TSNAX: variants seen among roughly 807,000 people sequenced by gnomAD.
TSNAX encodes the protein translin-associated protein X.
In TSNAX, 12 loss-of-function variants were observed where a neutral mutation model predicts 33.0. The observed-to-expected ratio is 0.36, with a 90% CI of 0.23 to 0.59. The LOEUF (loss-of-function observed/expected upper bound fraction) is 0.59, where lower values mean the gene tolerates loss of function less well. Ranked by LOEUF, TSNAX falls within the 20% of genes least tolerant of loss-of-function variation. The pLI is 0.74. For synonymous variants in TSNAX, 110 were observed against 117.2 expected, an observed-to-expected ratio of 0.94 and a Z score of 0.40; for missense variants, 267 against 341.3, an observed-to-expected ratio of 0.78 and a Z score of 1.72.
At chr1:231,532,066 T>G (rs1658757804) in intron 2 of TSNAX, among the ~76,000 whole-genome samples, 1 of 126,532 alleles carries the variant, frequency 7.9e-6, no homozygotes. Flanking sequence ...AGACCCTGAC[T>G]CAAAAAGGAA....
chr1:231,542,196 C>T (rs1659616738), intron 3 of TSNAX, among the ~76,000 whole-genome samples: 1 of 152,176 alleles, frequency 6.6e-6, no homozygotes, highest in Non-Finnish European at 1.5e-5. Flanking sequence ...TAAATCCAGT[C>T]CACGTTACTC....
chr1:231,537,700 C>T (rs1352215621), intron 3 of TSNAX, among the ~76,000 whole-genome samples: 1 of 148,522 alleles, frequency 6.7e-6, no homozygotes, highest in African/African-American at 2.5e-5. Context: ...AAGATCCCAC[C>T]ACCGCACTCT....
intron 2 of TSNAX, among the ~76,000 whole-genome samples, chr1:231,529,659 T>C (rs1484013940): frequency 6.6e-6 from 1 of 152,254 alleles, no homozygotes; most frequent in Non-Finnish European, 1.5e-5. Context: ...TCATCTGTTA[T>C]ATGCTAAAAT....
At chr1:231,539,724 C>G (rs140692139) in intron 3 of TSNAX, among the ~76,000 whole-genome samples, 36 of 152,316 alleles carry the variant, frequency 2.4e-4, no homozygotes, top group Non-Finnish European at 4.4e-4. Flanking sequence ...CCTCTATCAA[C>G]TAGCAGATTT....
intron 4 of TSNAX, among the ~76,000 whole-genome samples, chr1:231,555,085 C>T (rs1447956744): frequency 1.3e-5 from 2 of 152,118 alleles, no homozygotes; most frequent in African/African-American, 2.4e-5. Context: ...ATTGAAAGCA[C>T]GACTTGAACA....
intron 2 of TSNAX, chr1:231,534,797 G>A (rs1046362747): frequency 1.3e-5 from 2 of 152,182 alleles, no homozygotes; most frequent in African/African-American, 2.4e-5. Flanking sequence ...GTCAGGAAAT[G>A]TTTTGTGAAC....
intron 2 of TSNAX, among the ~76,000 whole-genome samples, chr1:231,532,185 C>CACACACACACAG (rs1356252515): frequency 1.7e-4 from 20 of 116,138 alleles, no homozygotes; most frequent in African/African-American, 3.4e-4. Flanking sequence ...CACACACACA[C>CACACACACACAG]AGTTTTGGTT....
intron 4 of TSNAX, among the ~76,000 whole-genome samples, chr1:231,556,020 G>A (rs1291472925): frequency 6.6e-6 from 1 of 152,096 alleles, no homozygotes; most frequent in Non-Finnish European, 1.5e-5. Context: ...AAAAAGCAAA[G>A]TACTATTTTT....
intron 2 of TSNAX, chr1:231,536,924 C>T (rs565972634): frequency 4.2e-4 from 79 of 186,864 alleles, no homozygotes; most frequent in Non-Finnish European, 7.8e-4. Flanking sequence ...CCTCTGCCTC[C>T]GGGGTTCAAG....
intron 2 of TSNAX, chr1:231,535,762 TG>T (rs1659124437): frequency 6.6e-6 from 1 of 152,210 alleles, no homozygotes; most frequent in East Asian, 1.9e-4. Context: ...AGGAGACAAA[TG>T]TATGAAAATT....
intron 5 of TSNAX, among the ~76,000 whole-genome samples, chr1:231,562,284 ATAGG>A (rs1661171673): frequency 6.7e-6 from 1 of 150,268 alleles, no homozygotes; most frequent in East Asian, 1.9e-4. Flanking sequence ...TATATTAAGG[ATAGG>A]TAGGCAGGAG....
chr1:231,529,924 C>A (rs933518525), intron 2 of TSNAX, among the ~76,000 whole-genome samples: 1 of 152,230 alleles, frequency 6.6e-6, no homozygotes, highest in African/African-American at 2.4e-5. Flanking sequence ...CTGTACCTTA[C>A]GTTTCTGTGA....
chr1:231,561,313 T>G (rs201938215), intron 5 of TSNAX, 58 bp downstream of exon 5: 4 of 1,304,392 alleles, frequency 3.1e-6, no homozygotes, highest in Non-Finnish European at 4.2e-6. Context: ...AGTATGACGA[T>G]TCTAGTAGAT....
intron 2 of TSNAX, among the ~76,000 whole-genome samples, chr1:231,533,866 T>C (rs1658961110): frequency 6.6e-6 from 1 of 152,234 alleles, no homozygotes; most frequent in Non-Finnish European, 1.5e-5. Flanking sequence ...AGAAGACTAT[T>C]CTGTTGTATA....
At chr1:231,545,423 C>T (rs1034949045) in intron 4 of TSNAX, among the ~76,000 whole-genome samples, 2 of 152,110 alleles carry the variant, frequency 1.3e-5, no homozygotes, top group African/African-American at 2.4e-5. Flanking sequence ...AACAACAAAA[C>T]GTCAGGTCTG....
intron 2 of TSNAX, 146 bp from the exon 3 acceptor site, chr1:231,537,067 A>G (rs2124889778): frequency 3.8e-6 from 2 of 525,366 alleles, no homozygotes; most frequent in East Asian, 3.5e-5. Context: ...TCTTGACCTC[A>G]TGATCCACCT....
chr1:231,528,746 C>G lies in TSNAX; in HGVS notation c.-65C>G, dbSNP rs1441325006. The G allele has an allele frequency of 6.2e-7, 1 of 1,605,902 alleles. No individual in the cohort carries two copies. Among genetic ancestry groups the G allele is most frequent in the Non-Finnish European group, 8.5e-7 (1 of 1,173,368 alleles). ...TTTTCCCAGGTTCCCTCGGCCTGTA[C>G]CTCGCGCACTCCTCTTGCTCCAGGT... On this transcript the variant is annotated 5_prime_UTR_variant, in exon 1 of 6. Coordinates refer to ENST00000366639, the MANE Select transcript of TSNAX (RefSeq NM_005999.3).
chr1:231,560,420 T>C lies in TSNAX; in HGVS notation c.368-708T>C, dbSNP rs12736476. Among the ~76,000 whole-genome samples the C allele has an allele frequency of 6.8e-3, 258 of 38,122 alleles. 3 individuals are homozygous for C. Among genetic ancestry groups the C allele is most frequent in the African/African-American group, 0.019 (181 of 9,366 alleles). The allele number at this position is 38,122 out of a possible 152,430, so 25.0% of individuals were successfully genotyped here. A position where few individuals can be genotyped will look rare whatever the true frequency, so the allele number is the denominator to read the frequency against. On this transcript the variant is annotated intron_variant, in intron 4 of 5. Coordinates refer to ENST00000366639, the MANE Select transcript of TSNAX (RefSeq NM_005999.3). The stretch of plus-strand genomic sequence containing the variant: ...CTTTTCTTTTCTCCCCCCCCCCCCT[T>C]TTTTTTTTTTTGAGACGAAGTCTCG...
At chr1:231,535,513 G>A (rs1013361510) in intron 2 of TSNAX, 1 of 152,098 alleles carries the variant, frequency 6.6e-6, no homozygotes, top group Non-Finnish European at 1.5e-5. Flanking sequence ...TTTTTGTTTG[G>A]CAGTCTCAAG....
Sources: gnomAD v4.1 joint callset for allele counts (sites outside exome capture counted in the v4.1 genomes callset) on GRCh38, gnomAD v4.1.1 for gene constraint, MANE v1.5 for transcripts, NCBI Gene and HGNC (gene_info 2026-07-23, HGNC 2026-07-21) for gene names.